ANKRD30A: variants seen among roughly 807,000 people sequenced by gnomAD.
ANKRD30A encodes ankyrin repeat domain-containing protein 30A.
ANKRD30A carries 170 observed loss-of-function variants against 166.3 expected under a neutral mutation model. That is an observed-to-expected ratio of 1.02 (90% CI 0.90 to 1.16). The LOEUF is 1.16. Among genes scored for constraint, ANKRD30A ranks in the 50% most tolerant of loss-of-function variants. ANKRD30A has a pLI of 0.00. For synonymous variants in ANKRD30A, 564 were observed against 508.9 expected (o/e 1.11, Z -1.46); for missense variants, 1,630 against 1,518.0 (o/e 1.07, Z -1.23).
At chr10:37,192,427 T>C (rs1362287163) in intron 25 of ANKRD30A, among the ~76,000 whole-genome samples, 2 of 152,022 alleles carry the variant, frequency 1.3e-5, no homozygotes, top group Non-Finnish European at 2.9e-5. Context: ...TAGAGAACCC[T>C]ATGAATGTGA....
downstream of ANKRD30A, among the ~76,000 whole-genome samples, chr10:37,236,855 T>C (rs531717117): frequency 2.7e-4 from 41 of 152,366 alleles, no homozygotes; most frequent in African/African-American, 9.9e-4. Flanking sequence ...TAATAGTTTT[T>C]CTAAAAAAGA....
chr10:37,166,459 GT>G (rs1380577974), intron 18 of ANKRD30A, 145 bp from the exon 19 acceptor site: 1 of 739,740 alleles, frequency 1.4e-6, no homozygotes, highest in African/African-American at 1.8e-5. Flanking sequence ...AAATGTGTTT[GT>G]TTTCTACATG....
chr10:37,193,588 C>A (rs1053289821), intron 27 of ANKRD30A, among the ~76,000 whole-genome samples: 1 of 151,930 alleles, frequency 6.6e-6, no homozygotes, highest in African/African-American at 2.4e-5. Context: ...GGTTCAAAGG[C>A]TGATTGGAAT....
At chr10:37,193,943 A>G (rs1260312031) in intron 27 of ANKRD30A, among the ~76,000 whole-genome samples, 1 of 152,158 alleles carries the variant, frequency 6.6e-6, no homozygotes, top group African/African-American at 2.4e-5. Context: ...GCCTGTAATG[A>G]TAGCAGTTTG....
intron 34 of ANKRD30A, among the ~76,000 whole-genome samples, chr10:37,224,717 C>G (rs1306259604): frequency 6.6e-6 from 1 of 151,380 alleles, no homozygotes; most frequent in East Asian, 2.0e-4. Context: ...TTTTGGATGC[C>G]TTTCACTTTG....
At chr10:37,189,748 G>A (rs533271194) in intron 25 of ANKRD30A, among the ~76,000 whole-genome samples, 191 bp downstream of exon 25, 9 of 150,074 alleles carry the variant, frequency 6.0e-5, no homozygotes, top group African/African-American at 2.2e-4. Flanking sequence ...GTGCTGAAGA[G>A]GAGCTGAATT....
chr10:37,196,561 T>A (rs1196156699), intron 27 of ANKRD30A, among the ~76,000 whole-genome samples: 1 of 152,162 alleles, frequency 6.6e-6, no homozygotes, highest in Non-Finnish European at 1.5e-5. Flanking sequence ...TTAAGATAAA[T>A]ATTGTGGTGA....
At chr10:37,193,138 A>G (rs1260721615) in intron 26 of ANKRD30A, 46 bp downstream of exon 26, 4 of 1,606,830 alleles carry the variant, frequency 2.5e-6, no homozygotes, top group African/African-American at 2.7e-5. Context: ...TACATATTTT[A>G]TGAAGTATAC....
intron 6 of ANKRD30A, 51 bp from the exon 7 acceptor site, chr10:37,141,667 G>C: frequency 6.3e-7 from 1 of 1,596,192 alleles, no homozygotes; most frequent in Non-Finnish European, 8.5e-7. Flanking sequence ...GAAGAGTCAG[G>C]AGGATGATAT....
At position 37,196,533 on chromosome 10, in the gene ANKRD30A, CA is replaced by C. The variant is rs1362867676; in HGVS notation, c.2615-743del. Reference sequence around the variant, plus strand: ...CTGTAAAAATACTGAATTTATACTTCAAAAATAAGATTGCTTTTTAAGATAA... The same window carrying C: ...CTGTAAAAATACTGAATTTATACTTCAAAATAAGATTGCTTTTTAAGATAA... On this transcript the variant is annotated intron_variant, in intron 27 of 35. Transcript: ENST00000361713. Among the ~76,000 whole-genome samples, 4 of 151,880 alleles carry C rather than the reference CA, an allele frequency of 2.6e-5. No individual in the cohort carries two copies. In the East Asian group the frequency reaches 7.7e-4, roughly 29 times the overall value.
the ANKRD30A span, among the ~76,000 whole-genome samples, chr10:37,237,941 G>T: frequency 6.6e-6 from 1 of 152,002 alleles, no homozygotes; most frequent in Non-Finnish European, 1.5e-5. Context: ...GGATTTAATA[G>T]GAAAGAAAGA....
In ANKRD30A at chr10:37,219,373, C is replaced by T; in HGVS notation, c.3661C>T (p.Pro1221Ser). The T allele has an allele frequency of 6.2e-7, 1 of 1,610,510 alleles. No homozygotes were observed. Among genetic ancestry groups the T allele is most frequent in the East Asian group, 2.2e-5 (1 of 44,752 alleles). The stretch of plus-strand genomic sequence containing the variant: ...TGTGACATCAAGAAAAAGTCAAGAA[C>T]CTGCTTTCCACATTGCAGGAGATGC... ...QIVTSRKSQEPAFHIAGDACL... is the reference protein window; with the variant it reads ...QIVTSRKSQESAFHIAGDACL... The change falls in exon 34 of 36, where the codon CCT (proline) becomes TCT (serine). Residue 1221 changes from proline (P) to serine (S), a missense_variant. By Grantham distance (74) the Pro-to-Ser change is moderately conservative. This residue lies in a region of ANKRD30A where 712 missense variants were observed against 629.3 expected (regional missense o/e 1.13). Transcript: ENST00000361713.
chr10:37,257,559 C>T, the ANKRD30A span, among the ~76,000 whole-genome samples: 1 of 152,042 alleles, frequency 6.6e-6, no homozygotes, highest in African/African-American at 2.4e-5. Context: ...TCCCTCTTAA[C>T]ATTGCTTTAG....
At chr10:37,159,129 G>A (rs7093296) in intron 15 of ANKRD30A, among the ~76,000 whole-genome samples, 2,222 of 152,186 alleles carry the variant, frequency 0.015, 56 homozygotes, top group African/African-American at 0.051. Context: ...AAAGCATTTG[G>A]CCTTGGTGTC....
intron 5 of ANKRD30A, among the ~76,000 whole-genome samples, chr10:37,135,499 C>G (rs1488168729): frequency 6.6e-6 from 1 of 152,130 alleles, no homozygotes; most frequent in Non-Finnish European, 1.5e-5. Flanking sequence ...GTGAGTAACA[C>G]ATAGGATCTT....
At chr10:37,230,919 G>T (rs1301515709) in intron 34 of ANKRD30A, among the ~76,000 whole-genome samples, 1 of 152,032 alleles carries the variant, frequency 6.6e-6, no homozygotes, top group East Asian at 1.9e-4. Context: ...GTAGCTAATT[G>T]TCTTTGAAGC....
intron 29 of ANKRD30A, among the ~76,000 whole-genome samples, chr10:37,197,887 G>A (rs368923256): frequency 1.1e-4 from 16 of 151,902 alleles, no homozygotes; most frequent in African/African-American, 2.7e-4. Flanking sequence ...GAATTACCTC[G>A]TTTCCAGTGT....
the ANKRD30A span, among the ~76,000 whole-genome samples, chr10:37,243,224 T>G: frequency 6.7e-6 from 1 of 149,968 alleles, no homozygotes; most frequent in Non-Finnish European, 1.5e-5. Flanking sequence ...AAGCTCCGCC[T>G]CCTGGGTTCA....
chr10:37,262,864 C>T, the ANKRD30A span, among the ~76,000 whole-genome samples: 1 of 152,110 alleles, frequency 6.6e-6, no homozygotes. Flanking sequence ...ATAATTTTAT[C>T]ATCAAGAGAC....
Sources: gnomAD v4.1 joint callset for allele counts (sites outside exome capture counted in the v4.1 genomes callset) on GRCh38, gnomAD v4.1.1 for gene constraint, gnomAD v4.1.1 regional missense constraint, MANE v1.5 for transcripts, NCBI Gene and HGNC (gene_info 2026-07-23, HGNC 2026-07-21) for gene names.